The following STK32B variants were observed in gnomAD, a reference collection of about 807,000 sequenced individuals.
The protein encoded by STK32B is serine/threonine kinase 32B, also known as serine/threonine-protein kinase 32B.
STK32B carries 43 observed loss-of-function variants against 52.6 expected under a neutral mutation model. That is an observed-to-expected ratio of 0.82 (90% CI 0.64 to 1.05). The LOEUF (loss-of-function observed/expected upper bound fraction) is 1.05. Among genes scored for constraint, STK32B ranks in the 50% least tolerant of loss-of-function variants. The pLI is 0.00. For missense variants in STK32B, 621 were observed against 534.6 expected (o/e 1.16, Z -1.59); for synonymous variants, 238 against 204.3 (o/e 1.17, Z -1.41).
At chr4:5,289,685 A>ATTTTTTTTTTTT (rs56211807) in intron 3 of STK32B, among the ~76,000 whole-genome samples, 3 of 86,854 alleles carry the variant, frequency 3.5e-5, no homozygotes, top group Non-Finnish European at 7.2e-5. Flanking sequence ...TGCCCGGCTA[A>ATTTTTTTTTTTT]TTTTTTTTTT....
intron 3 of STK32B, among the ~76,000 whole-genome samples, chr4:5,262,659 T>C (rs923899477): frequency 6.7e-6 from 1 of 149,408 alleles, no homozygotes; most frequent in African/African-American, 2.5e-5. Flanking sequence ...TGGACTCATA[T>C]GAAGAGACAG....
chr4:5,305,367 ATG>A (rs1025239253), intron 3 of STK32B, among the ~76,000 whole-genome samples: 3 of 151,892 alleles, frequency 2.0e-5, no homozygotes, highest in Admixed American at 2.0e-4. Flanking sequence ...CAATCTCACT[ATG>A]TGTTATCGAT....
rs1424255816 is a variant in STK32B, at chr4:5,393,097, G to A, written c.435-5110G>A. Among the ~76,000 whole-genome samples the A allele has an allele frequency of 2.0e-5, 3 of 152,172 alleles. No individual in the cohort carries two copies. The East Asian group carries it at 5.8e-4, about 29-fold the overall frequency. ...ATCCCACATCAGCTTGCTGATGGAT[G>A]GGTGCCAAGTCCCATTCAAGTTGGC... On this transcript the variant is annotated intron_variant, in intron 4 of 11. Transcript: ENST00000282908.
Position 5,499,031 on chromosome 4 carries a change from G to C in STK32B, c.1193G>C (p.Gly398Ala), listed in dbSNP as rs1437158176. 3.1e-6 allele frequency: 5 copies of C among 1,613,584 alleles called. No individual in the cohort carries two copies. The African/African-American group carries it at 5.3e-5, about 17-fold the overall frequency. ...GGQAQSKLQDGCNNNLLTHTC... is the reference protein window; with the variant it reads ...GGQAQSKLQDACNNNLLTHTC... ...CAGGCCCAAAGCAAGCTCCAGGACGGGTGCAACAACAACCTCCTCACCCAC... is the reference window on the plus strand; with the variant it reads ...CAGGCCCAAAGCAAGCTCCAGGACGCGTGCAACAACAACCTCCTCACCCAC... Residue 398 changes from glycine to alanine, a missense_variant, in exon 12 of 12, where the codon GGG becomes GCG. Physicochemically the swap from Gly to Ala is moderately conservative, Grantham distance 60 (BLOSUM62 0). Transcript: ENST00000282908.
At chr4:5,306,428 G>A (rs1246431099) in intron 3 of STK32B, among the ~76,000 whole-genome samples, 1 of 152,154 alleles carries the variant, frequency 6.6e-6, no homozygotes, top group Non-Finnish European at 1.5e-5. Context: ...ATATTTTTCT[G>A]TTGGACTGGT....
intron 3 of STK32B, among the ~76,000 whole-genome samples, chr4:5,262,681 G>C (rs1040812816): frequency 6.6e-5 from 10 of 151,028 alleles, no homozygotes; most frequent in African/African-American, 2.2e-4. Context: ...CACAATATAT[G>C]GTTAAGTATT....
intron 4 of STK32B, among the ~76,000 whole-genome samples, chr4:5,347,423 G>A (rs1347242464): frequency 1.3e-5 from 2 of 152,202 alleles, no homozygotes. Flanking sequence ...GTGTTATACA[G>A]CAAAGGGAAA....
chr4:5,157,899 A>G (rs1273727441), intron 2 of STK32B, among the ~76,000 whole-genome samples: 1 of 152,202 alleles, frequency 6.6e-6, no homozygotes, highest in African/African-American at 2.4e-5. Flanking sequence ...CTTAACAATG[A>G]TGCATTTACT....
chr4:5,194,489 G>A (rs1288376643), intron 3 of STK32B, among the ~76,000 whole-genome samples: 3 of 152,186 alleles, frequency 2.0e-5, no homozygotes, highest in Non-Finnish European at 4.4e-5. Context: ...TTGCATGGGT[G>A]ATATATTACC....
At chr4:5,123,705 C>T (rs978856800) in intron 1 of STK32B, among the ~76,000 whole-genome samples, 17 of 152,070 alleles carry the variant, frequency 1.1e-4, no homozygotes, top group African/African-American at 4.1e-4. Flanking sequence ...GGATTAGGGC[C>T]CCACCTTTTT....
At chr4:5,072,722 T>C (rs573317538) in intron 1 of STK32B, among the ~76,000 whole-genome samples, 1 of 152,214 alleles carries the variant, frequency 6.6e-6, no homozygotes, top group Non-Finnish European at 1.5e-5. Context: ...GTTACTGGTG[T>C]ACTGTTTCAT....
intron 6 of STK32B, among the ~76,000 whole-genome samples, chr4:5,445,308 G>A (rs185802379): frequency 7.0e-4 from 106 of 152,312 alleles, no homozygotes; most frequent in African/African-American, 2.3e-3. Flanking sequence ...TCCATGCCGA[G>A]TGAATGCCCA....
chr4:5,061,570 A>G (rs16836590), intron 1 of STK32B, among the ~76,000 whole-genome samples: 4,933 of 152,254 alleles, frequency 0.032, 252 homozygotes, highest in African/African-American at 0.11. Context: ...AGATAATTTG[A>G]GGCTTTGAAT....
At chr4:5,079,944 A>G (rs1712312902) in intron 1 of STK32B, among the ~76,000 whole-genome samples, 1 of 152,182 alleles carries the variant, frequency 6.6e-6, no homozygotes, top group South Asian at 2.1e-4. Context: ...GTAGGATGGT[A>G]GTTAAGAGAG....
At chr4:5,100,737 CT>C (rs1333870652) in intron 1 of STK32B, among the ~76,000 whole-genome samples, 10 of 100,096 alleles carry the variant, frequency 1.0e-4, no homozygotes, top group East Asian at 5.4e-4. Context: ...CTTCTTCCTT[CT>C]CTTCCTCCCT....
the STK32B span, among the ~76,000 whole-genome samples, chr4:5,025,845 C>A: frequency 6.6e-6 from 1 of 152,206 alleles, no homozygotes; most frequent in African/African-American, 2.4e-5. Context: ...ATTGGCCTAG[C>A]CCACTAATGG....
At chr4:5,086,153 G>T (rs777416710) in intron 1 of STK32B, among the ~76,000 whole-genome samples, 7 of 152,178 alleles carry the variant, frequency 4.6e-5, no homozygotes, top group Non-Finnish European at 8.8e-5. Context: ...GTCTATTTCT[G>T]GGAATCTATA....
rs573497888 is a variant in STK32B at position 5,386,497 on chromosome 4, A to G, written c.435-11710A>G. 3.7e-4 allele frequency among the ~76,000 whole-genome samples: 56 copies of G among 152,306 alleles called. No individual in the cohort carries two copies. Among genetic ancestry groups the G allele is most frequent in the Admixed American group, 1.8e-3 (27 of 15,306 alleles). On this transcript the variant is annotated intron_variant, in intron 4 of 11. Transcript: ENST00000282908. This position sits in a 1 kb window ranked among gnomAD's most constrained non-coding sequence, Gnocchi z 4.5. ...GACCTGAGCCCAGTTTGAAGTGCAC[A>G]TATTTGTAATTTGACCTAGTAACTG... is the stretch of plus-strand genomic sequence containing the variant.
the STK32B span, among the ~76,000 whole-genome samples, chr4:5,029,560 C>T: frequency 1.3e-5 from 2 of 152,134 alleles, no homozygotes; most frequent in Non-Finnish European, 2.9e-5. Context: ...CAATGGGGCT[C>T]TGTTAACAAT....
Sources: gnomAD v4.1 joint callset for allele counts (sites outside exome capture counted in the v4.1 genomes callset) on GRCh38, gnomAD v4.1.1 for gene constraint, Gnocchi (gnomAD v3.1) non-coding constraint, MANE v1.5 for transcripts, NCBI Gene and HGNC (gene_info 2026-07-23, HGNC 2026-07-21) for gene names.